Variants in LRRTM4 observed in about 807,000 individuals in gnomAD.
LRRTM4 encodes the protein leucine-rich repeat transmembrane neuronal protein 4.
LRRTM4 carries 25 observed loss-of-function variants against 47.6 expected under a neutral mutation model. The observed-to-expected ratio is 0.53, with a 90% CI of 0.38 to 0.73. The LOEUF is 0.73. Among genes scored for constraint, LRRTM4 ranks in the 30% least tolerant of loss-of-function variants. LRRTM4 has a pLI of 0.00. For missense variants in LRRTM4, 638 were observed against 713.4 expected (o/e 0.89, Z 1.20); for synonymous variants, 311 against 269.5 (o/e 1.15, Z -1.51).
chr2:77,218,623 G>C (rs1674527043), intron 3 of LRRTM4, among the ~76,000 whole-genome samples: 1 of 152,064 alleles, frequency 6.6e-6, no homozygotes, highest in African/African-American at 2.4e-5. Flanking sequence ...TTGAGAAAGA[G>C]TTGGAGAATT....
At chr2:77,226,650 T>C (rs1227718868) in intron 3 of LRRTM4, among the ~76,000 whole-genome samples, 2 of 151,784 alleles carry the variant, frequency 1.3e-5, no homozygotes, top group Non-Finnish European at 2.9e-5. Context: ...AAAAATTAAA[T>C]AAGTAAAATG....
chr2:77,309,264 A>T (rs1353636280), intron 3 of LRRTM4, among the ~76,000 whole-genome samples: 1 of 152,198 alleles, frequency 6.6e-6, no homozygotes, highest in African/African-American at 2.4e-5. Context: ...CAGGAAGAGT[A>T]GAGTGACAAA....
At chr2:77,466,694 T>C (rs1676993659) in intron 3 of LRRTM4, among the ~76,000 whole-genome samples, 1 of 135,380 alleles carries the variant, frequency 7.4e-6, no homozygotes, top group Admixed American at 8.6e-5. Context: ...AATTTCAAAC[T>C]ATGGCAACTT....
At chr2:76,957,896 G>T (rs914421105) in intron 3 of LRRTM4, among the ~76,000 whole-genome samples, 1 of 151,394 alleles carries the variant, frequency 6.6e-6, no homozygotes, top group African/African-American at 2.4e-5. Flanking sequence ...AAGATTATAT[G>T]TATACATATA....
chr2:77,294,773 G>A (rs1220914109), intron 3 of LRRTM4, among the ~76,000 whole-genome samples: 2 of 152,094 alleles, frequency 1.3e-5, no homozygotes, highest in Non-Finnish European at 2.9e-5. Flanking sequence ...TTAGAAAAAT[G>A]TATCTTCTTT....
intron 3 of LRRTM4, among the ~76,000 whole-genome samples, chr2:76,948,631 G>A (rs754354058): frequency 2.0e-5 from 3 of 151,828 alleles, no homozygotes; most frequent in Non-Finnish European, 4.4e-5. Flanking sequence ...AGATAATTTA[G>A]AGTAGAAATG....
chr2:76,888,663 A>C (rs1374193331), intron 3 of LRRTM4, among the ~76,000 whole-genome samples: 1 of 151,748 alleles, frequency 6.6e-6, no homozygotes, highest in East Asian at 1.9e-4. Flanking sequence ...TTAATTATTC[A>C]TTAGTTTTTT....
chr2:76,748,908 G>A lies in LRRTM4; in HGVS notation c.1560C>T (p.His520=). Residue 520 remains histidine (H), a synonymous_variant, in exon 4 of 4, where the codon CAC becomes CAT. Transcript: ENST00000409884. The part of the protein sequence containing the change: ...ISGSRECEMP[H]HMKPLPYYSY... ...TGTAATATGGCAAGGGCTTCATGTG[G>A]TGTGGCATCTGGATATGAGAAATAG... The A allele has an allele frequency of 6.2e-7, 1 of 1,613,862 alleles. No individual in the cohort carries two copies. Among genetic ancestry groups the A allele is most frequent in the Non-Finnish European group, 8.5e-7 (1 of 1,179,770 alleles).
chr2:77,301,607 T>C (rs2104164985), intron 3 of LRRTM4, among the ~76,000 whole-genome samples: 1 of 152,298 alleles, frequency 6.6e-6, no homozygotes, highest in East Asian at 1.9e-4. Context: ...CACATTAATA[T>C]TCCTCTGAGA....
At chr2:76,907,675 C>T (rs1673897116) in intron 3 of LRRTM4, among the ~76,000 whole-genome samples, 1 of 113,818 alleles carries the variant, frequency 8.8e-6, no homozygotes, top group Non-Finnish European at 1.7e-5. Context: ...CCATCGATAC[C>T]ACAGAAATAC....
chr2:77,140,942 G>A (rs1379900226), intron 3 of LRRTM4, among the ~76,000 whole-genome samples: 1 of 152,200 alleles, frequency 6.6e-6, no homozygotes, highest in African/African-American at 2.4e-5. Context: ...ACACCAGTTA[G>A]AATGGTGATC....
chr2:76,764,160 CAAT>C (rs1319543822), intron 3 of LRRTM4, among the ~76,000 whole-genome samples: 2 of 152,092 alleles, frequency 1.3e-5, no homozygotes, highest in African/African-American at 4.8e-5. Flanking sequence ...TATAGTAAAA[CAAT>C]GAGATGCAAG....
intron 3 of LRRTM4, among the ~76,000 whole-genome samples, chr2:77,194,816 T>A (rs1219428059): frequency 6.6e-6 from 1 of 151,930 alleles, no homozygotes; most frequent in Non-Finnish European, 1.5e-5. Flanking sequence ...GACACCAAGT[T>A]ACCACAGACA....
In LRRTM4 at chr2:76,796,046, G is replaced by C. The variant is rs187648742; in HGVS notation, c.1552-47130C>G. 1.9e-5 allele frequency among the ~76,000 whole-genome samples: 2 copies of C among 107,424 alleles called. 1 individual carries two copies. Among genetic ancestry groups the C allele is most frequent in the Non-Finnish European group, 3.4e-5 (2 of 58,046 alleles). 70.5% of individuals were successfully genotyped at this position (107,424 alleles called of 152,430 possible). A position where few individuals can be genotyped will look rare whatever the true frequency, so the allele number is the denominator to read the frequency against. The stretch of plus-strand genomic sequence containing the variant: ...GAGTTCCCTTTCTGAGTCAAAGAAA[G>C]GGGTGATGTACTGCACCTGGAAAAT... On this transcript the variant is annotated intron_variant, in intron 3 of 3. Transcript: ENST00000409884.
At chr2:77,479,707 A>G (rs1453061380) in intron 3 of LRRTM4, among the ~76,000 whole-genome samples, 1 of 150,594 alleles carries the variant, frequency 6.6e-6, no homozygotes, top group African/African-American at 2.4e-5. Flanking sequence ...TCTCGTCTCC[A>G]TCTCTCTCTT....
intron 3 of LRRTM4, among the ~76,000 whole-genome samples, chr2:76,879,520 T>C (rs1224661189): frequency 1.3e-5 from 2 of 152,192 alleles, no homozygotes; most frequent in East Asian, 3.8e-4. Context: ...TAATAAAACA[T>C]TGCTTTCAAA....
intron 3 of LRRTM4, chr2:77,517,638 A>T: frequency 1.0e-6 from 1 of 983,226 alleles, no homozygotes; most frequent in South Asian, 4.7e-5. Flanking sequence ...CAAACAAAAA[A>T]AGAAGGAAGA....
At chr2:77,346,269 T>C (rs992767434) in intron 3 of LRRTM4, among the ~76,000 whole-genome samples, 4 of 152,016 alleles carry the variant, frequency 2.6e-5, no homozygotes, top group Non-Finnish European at 5.9e-5. Flanking sequence ...GGTGAGGTGA[T>C]GGAACTGCCA....
chr2:76,901,507 A>G (rs890160863), intron 3 of LRRTM4, among the ~76,000 whole-genome samples: 4 of 152,128 alleles, frequency 2.6e-5, no homozygotes, highest in Non-Finnish European at 5.9e-5. Context: ...TGTTAAGTCT[A>G]GTTTCTTCAT....
Sources: allele counts gnomAD v4.1 joint callset (sites outside exome capture counted in the v4.1 genomes callset), GRCh38; gene constraint gnomAD v4.1.1; transcripts MANE v1.5; gene names NCBI Gene and HGNC (gene_info 2026-07-23, HGNC 2026-07-21).